Variants in DIAPH1 observed in about 807,000 individuals in gnomAD.
The protein encoded by DIAPH1 is protein diaphanous homolog 1.
A neutral mutation model predicts 140.7 loss-of-function variants in DIAPH1; 46 were observed. That is an observed-to-expected ratio of 0.33 (90% CI 0.26 to 0.42). The LOEUF is 0.42. Ranked by LOEUF, DIAPH1 falls within the 10% of genes least tolerant of loss-of-function variation. The pLI, the probability that DIAPH1 is intolerant of heterozygous loss-of-function variation, is 1.00. For missense variants in DIAPH1, 1,310 were observed against 1,558.7 expected (o/e 0.84, Z 2.69); for synonymous variants, 565 against 551.6 (o/e 1.02, Z -0.34).
chr5:141,588,291 T>G, intron 1 of DIAPH1, 41 bp from the exon 2 acceptor site: 3 of 1,522,936 alleles, frequency 2.0e-6, no homozygotes, highest in African/African-American at 1.4e-5. Context: ...AGAAGAGAAA[T>G]CAGTGAAGTA....
chr5:141,570,785 C>T, intron 18 of DIAPH1, among the ~76,000 whole-genome samples: 1 of 152,048 alleles, frequency 6.6e-6, no homozygotes, highest in African/African-American at 2.4e-5. Flanking sequence ...ATACATGACA[C>T]AATCTTTCAA....
intron 18 of DIAPH1, among the ~76,000 whole-genome samples, chr5:141,559,171 T>A (rs1596365753): frequency 7.5e-6 from 1 of 133,008 alleles, no homozygotes; most frequent in African/African-American, 2.5e-5. Flanking sequence ...AGGGTCTTAA[T>A]GTTAATATAA....
At chr5:141,612,994 G>T (rs2099902083) in intron 1 of DIAPH1, among the ~76,000 whole-genome samples, 1 of 152,134 alleles carries the variant, frequency 6.6e-6, no homozygotes, top group South Asian at 2.1e-4. Context: ...AAAGCCTTCA[G>T]ATGACACTAC....
chr5:141,558,916 TAAA>T (rs11315376), intron 18 of DIAPH1, among the ~76,000 whole-genome samples: 6,065 of 143,712 alleles, frequency 0.042, 183 homozygotes, highest in African/African-American at 0.087. Context: ...CACAAGTTGT[TAAA>T]AAAAAAAAAA....
intron 27 of DIAPH1, among the ~76,000 whole-genome samples, chr5:141,522,064 ATCC>A: frequency 1.3e-5 from 2 of 152,280 alleles, no homozygotes; most frequent in Middle Eastern, 6.8e-3. Flanking sequence ...TCTGATGGCT[ATCC>A]TCCTGTTTAA....
At chr5:141,574,930 G>A in intron 15 of DIAPH1, 37 bp downstream of exon 15, 1 of 1,612,526 alleles carries the variant, frequency 6.2e-7, no homozygotes, top group South Asian at 1.1e-5. Context: ...GCATCCTGAG[G>A]TTACAGGTCA....
rs768960181 is a variant in DIAPH1 at position 141,575,018 on chromosome 5, A to G, written c.1590T>C (p.Ile530=). The G allele has an allele frequency of 1.2e-6, 2 of 1,614,068 alleles. No homozygotes were observed. Among genetic ancestry groups the G allele is most frequent in the Non-Finnish European group, 8.5e-7 (1 of 1,180,012 alleles). Residue 530 remains isoleucine, a synonymous_variant, in exon 15 of 28, where the codon ATT becomes ATC. Coordinates refer to ENST00000389054, the MANE Select transcript of DIAPH1 (RefSeq NM_005219.5). Reference sequence around the variant, plus strand: ...CTTCCAGGTCCTGTTTCTCTGTGGCAATTTGCTGCTTTTCAGAATGCAGTG... The same window carrying G: ...CTTCCAGGTCCTGTTTCTCTGTGGCGATTTGCTGCTTTTCAGAATGCAGTG... ...KDALHSEKQQ[I]ATEKQDLEAE...
In DIAPH1 at chr5:141,539,420, T is replaced by G. The variant is rs566162609; in HGVS notation, c.2483-4987A>C. Among the ~76,000 whole-genome samples, 195 of 135,830 alleles carry G rather than the reference T, an allele frequency of 1.4e-3. 1 individual carries two copies. The highest frequency in any genetic ancestry group is 2.6e-3 in the Non-Finnish European group (164 of 63,774). 89.1% of individuals were successfully genotyped at this position (135,830 alleles called of 152,430 possible). A position where few individuals can be genotyped will look rare whatever the true frequency, so the allele number is the denominator to read the frequency against. Reference sequence around the variant, plus strand: ...GCCTTTTCTTTTTGGGTAGTTTTGTTTTTTTTTTTGTTTTTTTTTTTTGGT... The same window carrying G: ...GCCTTTTCTTTTTGGGTAGTTTTGTGTTTTTTTTTGTTTTTTTTTTTTGGT... On this transcript the variant is annotated intron_variant, in intron 18 of 27. Transcript: ENST00000389054.
chr5:141,535,483 T>C (rs2099888869), intron 18 of DIAPH1, among the ~76,000 whole-genome samples: 1 of 152,252 alleles, frequency 6.6e-6, no homozygotes, highest in Admixed American at 6.5e-5. Context: ...AATTATTCAA[T>C]GTTTTGTGAC....
At chr5:141,594,611 T>G (rs2099899019) in intron 1 of DIAPH1, among the ~76,000 whole-genome samples, 1 of 151,382 alleles carries the variant, frequency 6.6e-6, no homozygotes, top group African/African-American at 2.4e-5. Context: ...AGCATGGTGG[T>G]GGGTGCCTGT....
In DIAPH1 at chr5:141,568,846, G is replaced by C. The variant is rs118030261; in HGVS notation, c.2482+2582C>G. Reference sequence around the variant, plus strand: ...AATAATGCAATATGATGAAAACCCAGTGTCCAAATAACTTCTTCATCAATA... The same window carrying C: ...AATAATGCAATATGATGAAAACCCACTGTCCAAATAACTTCTTCATCAATA... On this transcript the variant is annotated intron_variant, in intron 18 of 27. Coordinates refer to ENST00000389054, the MANE Select transcript of DIAPH1 (RefSeq NM_005219.5). Among the ~76,000 whole-genome samples the C allele has an allele frequency of 1.5e-3, 228 of 152,228 alleles. 4 individuals carry two copies. The East Asian group carries it at 0.038, about 25-fold the overall frequency.
At chr5:141,579,508 T>A (rs1361463624) in intron 8 of DIAPH1, among the ~76,000 whole-genome samples, 1 of 152,162 alleles carries the variant, frequency 6.6e-6, no homozygotes, top group Non-Finnish European at 1.5e-5. Context: ...CTAATCAATT[T>A]CTCATGCATG....
chr5:141,539,731 G>A (rs72790086), intron 18 of DIAPH1, among the ~76,000 whole-genome samples: 6,903 of 152,024 alleles, frequency 0.045, 215 homozygotes, highest in African/African-American at 0.077. Flanking sequence ...AGTTGTTCAC[G>A]GTATTCTTTG....
At chr5:141,529,474 G>T in intron 20 of DIAPH1, 129 bp downstream of exon 20, 2 of 981,522 alleles carry the variant, frequency 2.0e-6, no homozygotes, top group South Asian at 1.3e-5. Context: ...CAGAGAAAAG[G>T]CAGTTTCTCA....
intron 1 of DIAPH1, among the ~76,000 whole-genome samples, chr5:141,592,507 A>ACAACAACAACAACAACAACAACAG (rs1562337918): frequency 1.3e-5 from 2 of 152,112 alleles, no homozygotes; most frequent in African/African-American, 4.8e-5. Context: ...AACAACAACA[A>ACAACAACAACAACAACAACAACAG]CAACAACAAC....
intron 18 of DIAPH1, among the ~76,000 whole-genome samples, chr5:141,551,470 T>C (rs1286809953): frequency 6.6e-6 from 1 of 152,026 alleles, no homozygotes; most frequent in East Asian, 1.9e-4. Flanking sequence ...GTGTCTAACT[T>C]ACCCTCAAAT....
chr5:141,555,062 AT>A (rs1448645393), intron 18 of DIAPH1, among the ~76,000 whole-genome samples: 1 of 152,180 alleles, frequency 6.6e-6, no homozygotes, highest in Admixed American at 6.5e-5. Flanking sequence ...ATTTTTTGAA[AT>A]TTAATGCTGC....
rs1184130282 is a variant in DIAPH1, at chr5:141,578,315, A to G, written c.1073T>C (p.Met358Thr). The part of the protein sequence containing the change: ...QDLREIENED[M>T]RVQLNVFDEQ... ...ATCAAACACATTTAGTTGCACTCTC[A>G]TATCTTCATTTTCAATCTCTCGAAG... Residue 358 changes from methionine to threonine, a missense_variant, in exon 11 of 28, where the codon ATG becomes ACG. Physicochemically the swap from Met to Thr is moderately conservative, Grantham distance 81 (BLOSUM62 -1). Coordinates refer to ENST00000389054, the MANE Select transcript of DIAPH1 (RefSeq NM_005219.5). The G allele has an allele frequency of 3.1e-6, 5 of 1,613,962 alleles. No homozygotes were observed. Among genetic ancestry groups the G allele is most frequent in the Admixed American group, 1.7e-5 (1 of 60,000 alleles).
At chr5:141,545,128 G>C (rs1190821519) in intron 18 of DIAPH1, among the ~76,000 whole-genome samples, 3 of 152,160 alleles carry the variant, frequency 2.0e-5, no homozygotes, top group Admixed American at 6.5e-5. Flanking sequence ...TCAGAAAATA[G>C]ATCAGTGGTA....
Sources: gnomAD v4.1 joint callset for allele counts (sites outside exome capture counted in the v4.1 genomes callset) on GRCh38, gnomAD v4.1.1 for gene constraint, MANE v1.5 for transcripts, NCBI Gene and HGNC (gene_info 2026-07-23, HGNC 2026-07-21) for gene names.